NCKAP5: variants seen among roughly 807,000 people sequenced by gnomAD.
The protein encoded by NCKAP5 is NCK associated protein 5, also known as nck-associated protein 5.
A neutral mutation model predicts 167.0 loss-of-function variants in NCKAP5; 92 were observed. That is an observed-to-expected ratio of 0.55 (90% CI 0.47 to 0.66). The LOEUF (loss-of-function observed/expected upper bound fraction) is 0.66, where lower values mean the gene tolerates loss of function less well. Among genes scored for constraint, NCKAP5 ranks in the 30% least tolerant of loss-of-function variants. The pLI, the probability that NCKAP5 is intolerant of heterozygous loss-of-function variation, is 0.00. For synonymous variants in NCKAP5, 891 were observed against 877.4 expected (o/e 1.02, Z -0.27); for missense variants, 2,378 against 2,315.0 (o/e 1.03, Z -0.56).
chr2:133,397,331 C>T (rs1407168575), intron 3 of NCKAP5, among the ~76,000 whole-genome samples: 5 of 152,120 alleles, frequency 3.3e-5, no homozygotes, highest in Admixed American at 3.3e-4. Flanking sequence ...TGATCGCAAG[C>T]TCTTGGAATG....
chr2:133,089,488 CT>C (rs974426838), intron 6 of NCKAP5, among the ~76,000 whole-genome samples: 2 of 152,176 alleles, frequency 1.3e-5, no homozygotes, highest in African/African-American at 4.8e-5. Flanking sequence ...AAGATGTCTT[CT>C]TGTTAACTTG....
the NCKAP5 span, among the ~76,000 whole-genome samples, chr2:133,622,132 C>G: frequency 2.0e-5 from 3 of 152,008 alleles, no homozygotes; most frequent in Non-Finnish European, 2.9e-5. Context: ...AAGGGACATA[C>G]CTTAAGGTAA....
Position 133,129,975 on chromosome 2 carries a change from T to C in NCKAP5, c.341+3A>G. 1 of 1,603,336 alleles carries C rather than the reference T, an allele frequency of 6.2e-7. No individual in the cohort carries two copies. The highest frequency in any genetic ancestry group is 1.3e-5 in the African/African-American group (1 of 74,502). On this transcript the variant is annotated splice_donor_region_variant and intron_variant, in intron 6 of 19. Transcript: ENST00000409261. ...AAGCAATCTGCTCAGCTAAGAACAA[T>C]ACCTGGAGAACTGCTGCTGCAAGCT...
chr2:133,321,963 G>A (rs1682088458), intron 3 of NCKAP5, among the ~76,000 whole-genome samples: 1 of 152,070 alleles, frequency 6.6e-6, no homozygotes, highest in African/African-American at 2.4e-5. Flanking sequence ...ATATTAATTA[G>A]GTAAAACTTA....
chr2:133,459,893 T>C (rs1200070521), intron 3 of NCKAP5, among the ~76,000 whole-genome samples: 2 of 152,150 alleles, frequency 1.3e-5, no homozygotes, highest in African/African-American at 2.4e-5. Context: ...CCATGTGGAA[T>C]GAAATGTTCC....
chr2:133,670,489 T>C, the NCKAP5 span, among the ~76,000 whole-genome samples: 1 of 152,228 alleles, frequency 6.6e-6, no homozygotes, highest in African/African-American at 2.4e-5. Context: ...ACATGCTACC[T>C]TATTATAAAC....
chr2:132,895,830 AAAAC>A lies in NCKAP5; in HGVS notation c.580-16918_580-16915del, dbSNP rs1290562264. Among the ~76,000 whole-genome samples the A allele has an allele frequency of 9.1e-4, 134 of 147,078 alleles. 3 individuals are homozygous for A. The highest frequency in any genetic ancestry group is 3.1e-3 in the African/African-American group (117 of 37,748). ...TGAGAAGGACTCAAAAAAAAAAAAA[AAAAC>A]AAAAAAAAAAACACAGTAGGCCAGG... On this transcript the variant is annotated intron_variant, in intron 8 of 19. Coordinates refer to ENST00000409261, the MANE Select transcript of NCKAP5 (RefSeq NM_207363.3).
At chr2:133,306,245 C>T (rs1680769423) in intron 3 of NCKAP5, among the ~76,000 whole-genome samples, 1 of 152,202 alleles carries the variant, frequency 6.6e-6, no homozygotes, top group Admixed American at 6.5e-5. Flanking sequence ...CAAGTACATA[C>T]AGGAGGTTAT....
intron 9 of NCKAP5, among the ~76,000 whole-genome samples, chr2:132,876,316 T>A (rs543831830): frequency 6.6e-6 from 1 of 152,246 alleles, no homozygotes; most frequent in African/African-American, 2.4e-5. Context: ...CAGACCGGTC[T>A]TAAACTTCTG....
chr2:132,682,162 C>G (rs1297938270), intron 19 of NCKAP5, among the ~76,000 whole-genome samples: 2 of 152,076 alleles, frequency 1.3e-5, no homozygotes, highest in Non-Finnish European at 2.9e-5. Context: ...TTTCAACGAT[C>G]AATTCTGTGT....
chr2:132,988,390 A>G (rs2077353255), intron 7 of NCKAP5, among the ~76,000 whole-genome samples: 1 of 141,498 alleles, frequency 7.1e-6, no homozygotes, highest in Non-Finnish European at 1.5e-5. Flanking sequence ...TGAACCCAGG[A>G]GGCGGAGGTT....
chr2:132,996,574 T>A (rs2077607183), intron 6 of NCKAP5, among the ~76,000 whole-genome samples: 1 of 152,224 alleles, frequency 6.6e-6, no homozygotes, highest in African/African-American at 2.4e-5. Context: ...AGCCCTATAC[T>A]TCAAACCATT....
intron 16 of NCKAP5, among the ~76,000 whole-genome samples, chr2:132,751,349 C>T (rs909160640): frequency 1.3e-5 from 2 of 152,110 alleles, no homozygotes; most frequent in Admixed American, 1.3e-4. Context: ...CCTGAGGTCT[C>T]AACAGAAGCA....
intron 4 of NCKAP5, 35 bp downstream of exon 4, chr2:133,303,002 C>A: frequency 1.4e-6 from 2 of 1,480,960 alleles, no homozygotes; most frequent in Non-Finnish European, 1.9e-6. Context: ...AGGATGCTAC[C>A]TGAGCAAGCA....
chr2:132,952,676 T>C (rs115000024), intron 8 of NCKAP5, among the ~76,000 whole-genome samples: 1 of 152,286 alleles, frequency 6.6e-6, no homozygotes, highest in Non-Finnish European at 1.5e-5. Flanking sequence ...AAGTTCAGCT[T>C]CCTCACATCA....
chr2:132,784,965 T>C lies in NCKAP5; in HGVS notation c.1846A>G (p.Asn616Asp). The C allele has an allele frequency of 6.2e-7, 1 of 1,612,100 alleles. No individual in the cohort carries two copies. The highest frequency in any genetic ancestry group is 8.5e-7 in the Non-Finnish European group (1 of 1,178,996). Reference protein sequence around the residue: ...LAADTDKSVENLDVLVGFGKS... With the variant: ...LAADTDKSVEDLDVLVGFGKS... ...CCAAACCCCACAAGGACATCCAGGT[T>C]CTCCACGGACTTATCGGTGTCGGCA... is the stretch of plus-strand genomic sequence containing the variant. Residue 616 changes from asparagine (N) to aspartate (D), a missense_variant, in exon 14 of 20, where the codon AAC becomes GAC. By Grantham distance (23) the Asn-to-Asp change is conservative (BLOSUM62 1). Coordinates refer to ENST00000409261, the MANE Select transcript of NCKAP5 (RefSeq NM_207363.3).
the NCKAP5 span, among the ~76,000 whole-genome samples, chr2:133,575,744 TG>T: frequency 8.5e-5 from 13 of 152,232 alleles, no homozygotes; most frequent in Non-Finnish European, 1.5e-4. Flanking sequence ...CTACTGCTGC[TG>T]GCCAAATCGG....
chr2:133,278,117 T>C (rs2089801735), intron 4 of NCKAP5, among the ~76,000 whole-genome samples: 1 of 152,214 alleles, frequency 6.6e-6, no homozygotes, highest in Admixed American at 6.5e-5. Flanking sequence ...CCAGATGCCA[T>C]ACAGGATTAG....
chr2:132,873,914 G>A (rs1691041907), intron 9 of NCKAP5, among the ~76,000 whole-genome samples: 1 of 152,020 alleles, frequency 6.6e-6, no homozygotes, highest in African/African-American at 2.4e-5. Flanking sequence ...TATGCATTAG[G>A]CACCTAGTGT....
Sources: allele counts gnomAD v4.1 joint callset (sites outside exome capture counted in the v4.1 genomes callset), GRCh38; gene constraint gnomAD v4.1.1; transcripts MANE v1.5; gene names NCBI Gene and HGNC (gene_info 2026-07-23, HGNC 2026-07-21).